The following ARHGEF2 variants were observed in gnomAD, a reference collection of about 807,000 sequenced individuals.
ARHGEF2 encodes rho guanine nucleotide exchange factor 2.
ARHGEF2 carries 22 observed loss-of-function variants against 121.0 expected under a neutral mutation model. That is an observed-to-expected ratio of 0.18 (90% CI 0.13 to 0.26). The LOEUF (loss-of-function observed/expected upper bound fraction) is 0.26, where lower values mean the gene tolerates loss of function less well. ARHGEF2 is among the 10% of genes least tolerant of loss of function. ARHGEF2 has a pLI of 1.00. For synonymous variants in ARHGEF2, 487 were observed against 530.0 expected, an observed-to-expected ratio of 0.92 and a Z score of 1.11; for missense variants, 907 against 1,336.0, an observed-to-expected ratio of 0.68 and a Z score of 5.01.
At chr1:155,973,266 C>T (rs1017557007) in intron 1 of ARHGEF2, among the ~76,000 whole-genome samples, 3 of 152,098 alleles carry the variant, frequency 2.0e-5, no homozygotes, top group Non-Finnish European at 2.9e-5. Flanking sequence ...CTCTTCCTTC[C>T]TTATCAGAGC....
At chr1:155,972,383 G>A (rs1204977929) in intron 1 of ARHGEF2, 1 of 444,594 alleles carries the variant, frequency 2.2e-6, no homozygotes, top group Admixed American at 2.4e-5. Flanking sequence ...TTGTCCCGGA[G>A]GTTGCCTGTG....
chr1:155,979,046 G>A, upstream of ARHGEF2: 2 of 985,646 alleles, frequency 2.0e-6, no homozygotes, highest in Non-Finnish European at 2.4e-6. Flanking sequence ...TTTACGATTG[G>A]GGGCAGGGGT....
At chr1:155,960,020 C>T (rs1558017306) in intron 11 of ARHGEF2, among the ~76,000 whole-genome samples, 1 of 152,148 alleles carries the variant, frequency 6.6e-6, no homozygotes, top group African/African-American at 2.4e-5. Flanking sequence ...AAGACCATCC[C>T]TCACCCACCC....
chr1:155,969,597 C>T (rs547564245), intron 1 of ARHGEF2: 2 of 1,238,934 alleles, frequency 1.6e-6, no homozygotes, highest in East Asian at 4.0e-5. Flanking sequence ...GTCTCTGCGT[C>T]CTCACTCCAC....
rs893453947 is a variant in ARHGEF2 at position 155,971,029 on chromosome 1, C to G, written c.64-1729G>C. ...CTAGGCTCCTCCCGCTCTGCCTTCCCTTTCTCAGCCTTGCTTCTCCGCCAC... is the reference window on the plus strand; with the variant it reads ...CTAGGCTCCTCCCGCTCTGCCTTCCGTTTCTCAGCCTTGCTTCTCCGCCAC... On this transcript the variant is annotated intron_variant, in intron 1 of 21. Transcript: ENST00000361247. The G allele has an allele frequency of 8.1e-6, 8 of 986,778 alleles. No homozygotes were observed. The African/African-American group carries it at 1.4e-4, about 17-fold the overall frequency. 61.1% of individuals were successfully genotyped at this position (986,778 alleles called of 1,614,324 possible).
chr1:155,969,193 G>A lies in ARHGEF2; in HGVS notation c.171C>T (p.Asn57=). 1.2e-6 allele frequency: 2 copies of A among 1,614,236 alleles called. No homozygotes were observed. Among genetic ancestry groups the A allele is most frequent in the Non-Finnish European group, 1.7e-6 (2 of 1,180,036 alleles). Residue 57 remains asparagine (N), a synonymous_variant, in exon 2 of 22, where the codon AAC becomes AAT. Transcript: ENST00000361247. Reference sequence around the variant, plus strand: ...GGGCTTCCTTGGCTGTGATGCTCTTGTTACAGGCATAGCACATGGTCATGC... The same window carrying A: ...GGGCTTCCTTGGCTGTGATGCTCTTATTACAGGCATAGCACATGGTCATGC... The part of the protein sequence containing the change: ...VSGMTMCYAC[N]KSITAKEALI...
chr1:155,978,143 G>A lies in ARHGEF2; in HGVS notation c.63+222C>T, dbSNP rs1320896529. 1.4e-5 allele frequency: 18 copies of A among 1,271,746 alleles called. No individual in the cohort carries two copies. The highest frequency in any genetic ancestry group is 2.2e-5 in the South Asian group (1 of 45,606). 78.8% of individuals were successfully genotyped at this position (1,271,746 alleles called of 1,614,324 possible). On this transcript the variant is annotated intron_variant, in intron 1 of 21. Transcript: ENST00000361247. The surrounding 1 kb of genome is among the most constrained non-coding windows in gnomAD (Gnocchi z 4.1). ...AGGCGACCAAGCCCAGGTCCGCTCC[G>A]CTCCCTCCCGGGATCCCAGCACCGT...
chr1:155,979,252 T>G, upstream of ARHGEF2: 1 of 985,562 alleles, frequency 1.0e-6, no homozygotes, highest in Non-Finnish European at 1.2e-6. Context: ...GGGACTAGGT[T>G]GGGATTCTCC....
chr1:155,961,654 GT>G lies in ARHGEF2; in HGVS notation c.1468+6del. ...AATTCCTGCCTAGTCTGCCGAGCAGGTCTGACCTTTGAAGCGCCCCGTCGCT... is the reference window on the plus strand; with the variant it reads ...AATTCCTGCCTAGTCTGCCGAGCAGGCTGACCTTTGAAGCGCCCCGTCGCT... On this transcript the variant is annotated splice_donor_region_variant and intron_variant, in intron 11 of 21. Coordinates refer to ENST00000361247, the MANE Select transcript of ARHGEF2 (RefSeq NM_001162383.2). This position sits in a 1 kb window ranked among gnomAD's most constrained non-coding sequence, Gnocchi z 4.7. 3 of 1,608,232 alleles carry G rather than the reference GT, an allele frequency of 1.9e-6. No homozygotes were observed. Among genetic ancestry groups the G allele is most frequent in the Non-Finnish European group, 2.5e-6 (3 of 1,179,270 alleles).
upstream of ARHGEF2, chr1:155,978,698 C>G (rs1219520555): frequency 1.1e-6 from 1 of 927,550 alleles, no homozygotes; most frequent in Admixed American, 4.5e-5. This position sits in a 1 kb window ranked among gnomAD's most constrained non-coding sequence, Gnocchi z 4.1. Flanking sequence ...CGGAGAGGTA[C>G]GAGGGTCCTA....
rs995793007 is a variant in ARHGEF2, at chr1:155,963,028, G to A, written c.880C>T (p.Leu294Phe). The A allele has an allele frequency of 5.0e-6, 8 of 1,614,050 alleles. No homozygotes were observed. The highest frequency in any genetic ancestry group is 5.9e-6 in the Non-Finnish European group (7 of 1,180,048). The change falls in exon 8 of 22, where the codon CTC becomes TTC. Residue 294 changes from leucine to phenylalanine, a missense_variant. Physicochemically the swap from Leu to Phe is conservative, Grantham distance 22. Transcript: ENST00000361247. ...CGTCGGCGTTCTAATAGCTGGCTGA[G>A]GAAGCGTGTATGGATGTCACTGAGC... ...DELSDIHTRF[L>F]SQLLERRRQA...
chr1:155,972,297 G>A, intron 1 of ARHGEF2: 1 of 463,840 alleles, frequency 2.2e-6, no homozygotes. Flanking sequence ...CCAGCAGCGG[G>A]CAGCAGCCAC....
chr1:155,955,120 T>C, intron 13 of ARHGEF2, 151 bp from the exon 14 acceptor site: 1 of 598,272 alleles, frequency 1.7e-6, no homozygotes, highest in Non-Finnish European at 2.9e-6. Context: ...AGTCCTGACC[T>C]TCTCCCTTTT....
intron 1 of ARHGEF2, chr1:155,969,764 G>A: frequency 1.0e-6 from 1 of 989,768 alleles, no homozygotes; most frequent in Non-Finnish European, 1.2e-6. Context: ...TTATAACCAT[G>A]ACAACCAGTG....
chr1:155,962,309 G>C lies in ARHGEF2; in HGVS notation c.1102-87C>G. 6 of 1,359,208 alleles carry C rather than the reference G, an allele frequency of 4.4e-6. No homozygotes were observed. Among genetic ancestry groups the C allele is most frequent in the Non-Finnish European group, 6.2e-6 (6 of 970,314 alleles). 84.2% of individuals were successfully genotyped at this position (1,359,208 alleles called of 1,614,324 possible). ...GAGCTCTGGTGCTGGCCCTGGCGTG[G>C]CCATTTACCTCATGCTTGCCTAGGT... On this transcript the variant is annotated intron_variant, in intron 9 of 21. Coordinates refer to ENST00000361247, the MANE Select transcript of ARHGEF2 (RefSeq NM_001162383.2). This position sits in a 1 kb window ranked among gnomAD's most constrained non-coding sequence, Gnocchi z 5.8.
intron 11 of ARHGEF2, among the ~76,000 whole-genome samples, chr1:155,960,355 G>A (rs1677632063): frequency 6.6e-6 from 1 of 151,928 alleles, no homozygotes; most frequent in Non-Finnish European, 1.5e-5. Flanking sequence ...TGTAGTCCCA[G>A]TTACTCAGGA....
At chr1:155,958,245 T>A in intron 12 of ARHGEF2, 75 bp downstream of exon 12, 1 of 1,244,782 alleles carries the variant, frequency 8.0e-7, no homozygotes, top group South Asian at 1.2e-5. Context: ...AGAGCTCTCG[T>A]GGGCTTGGGC....
chr1:155,953,004 C>A (rs904807248), intron 14 of ARHGEF2, among the ~76,000 whole-genome samples, 176 bp from the exon 15 acceptor site: 4 of 152,150 alleles, frequency 2.6e-5, no homozygotes, highest in East Asian at 3.8e-4. Flanking sequence ...GTGGCTCACA[C>A]CTGTAATCCC....
intron 1 of ARHGEF2, among the ~76,000 whole-genome samples, chr1:155,971,579 C>CA (rs55942349): frequency 0.069 from 6,426 of 92,560 alleles, 386 homozygotes; most frequent in Non-Finnish European, 0.096. Flanking sequence ...GACTATGTCT[C>CA]AAAAAAAAAA....
Sources: allele counts gnomAD v4.1 joint callset (sites outside exome capture counted in the v4.1 genomes callset), GRCh38; gene constraint gnomAD v4.1.1; non-coding constraint Gnocchi (gnomAD v3.1); transcripts MANE v1.5; gene names NCBI Gene and HGNC (gene_info 2026-07-23, HGNC 2026-07-21).